Variants in OLAH observed in about 807,000 individuals in gnomAD.
OLAH encodes the protein oleoyl-ACP hydrolase, also known as S-acyl fatty acid synthase thioesterase, medium chain.
A neutral mutation model predicts 27.8 loss-of-function variants in OLAH; 33 were observed. That is an observed-to-expected ratio of 1.19 (90% CI 0.90 to 1.59). The LOEUF (loss-of-function observed/expected upper bound fraction) is 1.59, where lower values mean the gene tolerates loss of function less well. Ranked by LOEUF, OLAH falls within the 40% of genes most tolerant of loss-of-function variation. The pLI, the probability that OLAH is intolerant of heterozygous loss-of-function variation, is 0.00. For missense variants in OLAH, 359 were observed against 310.8 expected, an observed-to-expected ratio of 1.16 and a Z score of -1.17; for synonymous variants, 120 against 102.9, an observed-to-expected ratio of 1.17 and a Z score of -1.01.
intron 3 of OLAH, among the ~76,000 whole-genome samples, chr10:15,050,698 G>A (rs1348379570): frequency 4.0e-5 from 6 of 151,812 alleles, no homozygotes; most frequent in African/African-American, 7.3e-5. Flanking sequence ...CTGCCACAGC[G>A]CCCAGCTAAT....
intron 3 of OLAH, among the ~76,000 whole-genome samples, chr10:15,058,988 T>C (rs1355011551): frequency 1.4e-4 from 11 of 76,512 alleles, no homozygotes; most frequent in Admixed American, 2.0e-4. Context: ...TCCTTCCCTC[T>C]CTCCTTCCCT....
rs376379674 is a variant in OLAH, at chr10:15,069,142, C to T, written c.573-2653C>T. ...AGTCTGAAGCATGAATTCTAGGTAG[C>T]GTCCCCGTGCCTGGGTTCTGTGAGT... On this transcript the variant is annotated intron_variant, in intron 6 of 7. Coordinates refer to ENST00000378228, the MANE Select transcript of OLAH (RefSeq NM_001039702.3). Among the ~76,000 whole-genome samples, 24 of 152,266 alleles carry T rather than the reference C, an allele frequency of 1.6e-4. No homozygotes were observed. The East Asian group carries it at 2.3e-3, about 15-fold the overall frequency.
chr10:15,055,393 C>G (rs1844226607), intron 3 of OLAH, among the ~76,000 whole-genome samples: 1 of 152,114 alleles, frequency 6.6e-6, no homozygotes, highest in African/African-American at 2.4e-5. Flanking sequence ...TTCTGTAGGA[C>G]TCTTTTCTAT....
chr10:15,070,620 T>C (rs1844565186), intron 6 of OLAH, among the ~76,000 whole-genome samples: 2 of 151,898 alleles, frequency 1.3e-5, no homozygotes, highest in South Asian at 4.2e-4. Flanking sequence ...AAGTAGCTCA[T>C]TACGGGCATG....
At chr10:15,033,603 G>A (rs960512999) in intron 1 of OLAH, among the ~76,000 whole-genome samples, 1 of 152,124 alleles carries the variant, frequency 6.6e-6, no homozygotes, top group Non-Finnish European at 1.5e-5. Context: ...AATTTATAAC[G>A]AACGGAAGTC....
intron 3 of OLAH, among the ~76,000 whole-genome samples, chr10:15,056,086 G>T (rs1844239829): frequency 6.6e-6 from 1 of 152,082 alleles, no homozygotes; most frequent in African/African-American, 2.4e-5. Context: ...CTGACCTTAG[G>T]TGATCCACCT....
chr10:15,034,712 G>A (rs1268747107), intron 1 of OLAH, among the ~76,000 whole-genome samples: 2 of 152,206 alleles, frequency 1.3e-5, no homozygotes, highest in East Asian at 3.8e-4. Flanking sequence ...TTCCACTGTG[G>A]CCTATGCCAA....
chr10:15,047,179 T>C lies in OLAH; in HGVS notation c.-110T>C, dbSNP rs556362034. ...CCTTTAAAAAGAAATCTACTCACTCTTCTGTGTGCATAAGGCCGAGCAGAG... is the reference window on the plus strand; with the variant it reads ...CCTTTAAAAAGAAATCTACTCACTCCTCTGTGTGCATAAGGCCGAGCAGAG... On this transcript the variant is annotated 5_prime_UTR_variant, in exon 2 of 8. Coordinates refer to ENST00000378228, the MANE Select transcript of OLAH (RefSeq NM_001039702.3). 3 of 1,019,168 alleles carry C rather than the reference T, an allele frequency of 2.9e-6. No homozygotes were observed. In the South Asian group the frequency reaches 4.8e-5, roughly 16 times the overall value. 63.1% of individuals were successfully genotyped at this position (1,019,168 alleles called of 1,614,324 possible). A position where few individuals can be genotyped will look rare whatever the true frequency, so the allele number is the denominator to read the frequency against.
At chr10:15,062,214 T>C (rs998662643) in intron 4 of OLAH, 1 of 171,694 alleles carries the variant, frequency 5.8e-6, no homozygotes, top group Non-Finnish European at 1.2e-5. Flanking sequence ...CTATCTCTTA[T>C]CAGTTGTATG....
rs1345331645 is a variant in OLAH at position 15,065,728 on chromosome 10, G to A, written c.547G>A (p.Asp183Asn). 5 of 1,606,030 alleles carry A rather than the reference G, an allele frequency of 3.1e-6. No individual in the cohort carries two copies. The highest frequency in any genetic ancestry group is 3.4e-6 in the Non-Finnish European group (4 of 1,178,176). ...ACAATGTAGTCCCATCATAAGGGCA[G>A]ATCTGAACATTGTTAGAAGTTGCAC... ...VKQCSPIIRA[D>N]LNIVRSCTSN... The change falls in exon 6 of 8, where the codon GAT becomes AAT. Residue 183 changes from aspartate (D) to asparagine (N), a missense_variant. By Grantham distance (23) the Asp-to-Asn change is conservative. Coordinates refer to ENST00000378228, the MANE Select transcript of OLAH (RefSeq NM_001039702.3).
At chr10:15,049,525 A>C (rs1844090667) in intron 2 of OLAH, 110 bp from the exon 3 acceptor site, 1 of 753,394 alleles carries the variant, frequency 1.3e-6, no homozygotes, top group Non-Finnish European at 2.0e-6. Flanking sequence ...TTTATATATG[A>C]ACATATGTTT....
intron 6 of OLAH, among the ~76,000 whole-genome samples, chr10:15,068,259 A>G (rs1395294408): frequency 1.3e-5 from 2 of 152,214 alleles, no homozygotes; most frequent in Non-Finnish European, 2.9e-5. Context: ...ATCTGTTGAT[A>G]AATTAATCCT....
intron 4 of OLAH, among the ~76,000 whole-genome samples, chr10:15,062,275 G>A (rs1001919845): frequency 6.6e-6 from 1 of 152,140 alleles, no homozygotes; most frequent in Admixed American, 6.6e-5. Flanking sequence ...TTCTATAAGG[G>A]TACAATAACA....
intron 3 of OLAH, chr10:15,057,047 C>G (rs1844260392): frequency 3.8e-6 from 5 of 1,309,242 alleles, no homozygotes; most frequent in Non-Finnish European, 4.9e-6. Context: ...GTGGTGTCTT[C>G]TGACTCACAG....
intron 3 of OLAH, chr10:15,057,057 G>A: frequency 7.8e-7 from 1 of 1,289,338 alleles, no homozygotes; most frequent in Non-Finnish European, 9.9e-7. Flanking sequence ...CTGACTCACA[G>A]AAGCTTTAAA....
rs1843799041 is a variant in OLAH at position 15,034,038 on chromosome 10, G to A, written c.-164+1688G>A. Among the ~76,000 whole-genome samples, 3 of 151,916 alleles carry A rather than the reference G, an allele frequency of 2.0e-5. No homozygotes were observed. The South Asian group carries it at 6.2e-4, about 32-fold the overall frequency. ...AGAATCAGCTCTGCCAGGTGGAAAG[G>A]GAAACTACCAGGAGAGAAAGAGGTG... On this transcript the variant is annotated intron_variant, in intron 1 of 3. Coordinates refer to the OLAH transcript ENST00000413672.
At chr10:15,052,747 G>C (rs1209858237) in intron 3 of OLAH, among the ~76,000 whole-genome samples, 1 of 105,398 alleles carries the variant, frequency 9.5e-6, no homozygotes, top group African/African-American at 3.5e-5. Flanking sequence ...TTTTTTTTTG[G>C]TGACAGAGTC....
At chr10:15,044,868 T>C (rs935515818) in intron 1 of OLAH, among the ~76,000 whole-genome samples, 3 of 152,204 alleles carry the variant, frequency 2.0e-5, no homozygotes, top group African/African-American at 7.2e-5. Context: ...TGCAGTTTCA[T>C]TGTAATGCAT....
At chr10:15,053,979 C>T (rs1377675093) in intron 3 of OLAH, among the ~76,000 whole-genome samples, 1 of 151,762 alleles carries the variant, frequency 6.6e-6, no homozygotes, top group Non-Finnish European at 1.5e-5. Flanking sequence ...ATTCACCCGC[C>T]TCAACCTCCC....
Sources: allele counts gnomAD v4.1 joint callset (sites outside exome capture counted in the v4.1 genomes callset), GRCh38; gene constraint gnomAD v4.1.1; transcripts MANE v1.5; gene names NCBI Gene and HGNC (gene_info 2026-07-23, HGNC 2026-07-21).